SLC16A10: variants seen among roughly 807,000 people sequenced by gnomAD.
SLC16A10 encodes the protein monocarboxylate transporter 10.
SLC16A10 carries 27 observed loss-of-function variants against 40.0 expected under a neutral mutation model. The observed-to-expected ratio is 0.67, with a 90% CI of 0.50 to 0.93. The LOEUF (loss-of-function observed/expected upper bound fraction) is 0.93. Ranked by LOEUF, SLC16A10 falls within the 40% of genes least tolerant of loss-of-function variation. SLC16A10 has a pLI of 0.00. For missense variants in SLC16A10, 529 were observed against 658.2 expected (o/e 0.80, Z 2.15); for synonymous variants, 213 against 249.8 (o/e 0.85, Z 1.39).
intron 1 of SLC16A10, among the ~76,000 whole-genome samples, chr6:111,112,441 T>G (rs1771407147): frequency 1.3e-5 from 2 of 152,246 alleles, no homozygotes; most frequent in African/African-American, 4.8e-5. Flanking sequence ...TGTTAATATC[T>G]GTCTTTCCTA....
At chr6:111,141,196 T>G (rs1210978696) in intron 1 of SLC16A10, among the ~76,000 whole-genome samples, 1 of 152,176 alleles carries the variant, frequency 6.6e-6, no homozygotes, top group Non-Finnish European at 1.5e-5. Flanking sequence ...ATTTGAAAAT[T>G]ATGTAGTTAT....
At chr6:111,159,190 C>T (rs1772328325) in intron 1 of SLC16A10, among the ~76,000 whole-genome samples, 1 of 151,892 alleles carries the variant, frequency 6.6e-6, no homozygotes, top group South Asian at 2.1e-4. Context: ...ATCACTATCC[C>T]ACATTTGCTT....
At chr6:111,131,276 T>A (rs1479617659) in intron 1 of SLC16A10, among the ~76,000 whole-genome samples, 1 of 152,216 alleles carries the variant, frequency 6.6e-6, no homozygotes, top group South Asian at 2.1e-4. Context: ...GGGCTTGCCA[T>A]TGTTCCTGCA....
At chr6:111,214,447 G>A (rs750434604) in intron 4 of SLC16A10, among the ~76,000 whole-genome samples, 2 of 152,198 alleles carry the variant, frequency 1.3e-5, no homozygotes, top group Non-Finnish European at 2.9e-5. Context: ...ATGAAGCATT[G>A]AACCTGCTAT....
chr6:111,165,120 T>G (rs1414439051), intron 1 of SLC16A10, among the ~76,000 whole-genome samples: 7 of 152,224 alleles, frequency 4.6e-5, no homozygotes, highest in Admixed American at 4.6e-4. Context: ...ATTACTGACC[T>G]CAGGATGGAG....
intron 1 of SLC16A10, among the ~76,000 whole-genome samples, chr6:111,100,457 C>T (rs1402285697): frequency 1.3e-5 from 2 of 151,564 alleles, no homozygotes; most frequent in Non-Finnish European, 2.9e-5. Flanking sequence ...GGTGCGATCT[C>T]GGCTCACTGC....
chr6:111,168,126 C>T (rs2114536417), intron 1 of SLC16A10, among the ~76,000 whole-genome samples: 1 of 152,064 alleles, frequency 6.6e-6, no homozygotes, highest in Middle Eastern at 3.4e-3. Context: ...ATTACAGGCA[C>T]CCGCCACCAC....
At chr6:111,186,694 CCAAA>C (rs1227485893) in intron 3 of SLC16A10, among the ~76,000 whole-genome samples, 2 of 152,120 alleles carry the variant, frequency 1.3e-5, no homozygotes, top group Non-Finnish European at 2.9e-5. Flanking sequence ...TCTTTAGCAC[CCAAA>C]CAAAGTTCTA....
chr6:111,131,437 C>T (rs1771780845), intron 1 of SLC16A10, among the ~76,000 whole-genome samples: 1 of 152,216 alleles, frequency 6.6e-6, no homozygotes, highest in African/African-American at 2.4e-5. Flanking sequence ...AGCAGCCCGC[C>T]ACCATCTTGG....
intron 1 of SLC16A10, among the ~76,000 whole-genome samples, chr6:111,104,594 G>A (rs978183345): frequency 1.3e-5 from 2 of 152,160 alleles, no homozygotes; most frequent in African/African-American, 4.8e-5. Flanking sequence ...GGGAAAGGCT[G>A]GCTCACATTT....
intron 3 of SLC16A10, among the ~76,000 whole-genome samples, chr6:111,184,702 A>G (rs1772863665): frequency 6.6e-6 from 1 of 152,114 alleles, no homozygotes; most frequent in Non-Finnish European, 1.5e-5. Context: ...GTTGGTCTCA[A>G]ACTCCTGACC....
chr6:111,184,613 C>T (rs573501050), intron 3 of SLC16A10, among the ~76,000 whole-genome samples: 1 of 152,066 alleles, frequency 6.6e-6, no homozygotes, highest in Admixed American at 6.5e-5. Flanking sequence ...TCCCGAGTAG[C>T]TGGGATTACA....
At chr6:111,177,865 T>A (rs1472456761) in intron 3 of SLC16A10, among the ~76,000 whole-genome samples, 200 bp downstream of exon 3, 1 of 152,096 alleles carries the variant, frequency 6.6e-6, no homozygotes, top group Non-Finnish European at 1.5e-5. Context: ...TTTCATAGTG[T>A]GCTTTGGTAT....
rs777526275 is a variant in SLC16A10, at chr6:111,172,771, T to C, written c.420T>C (p.Gly140=). 11 of 1,614,192 alleles carry C rather than the reference T, an allele frequency of 6.8e-6. No individual in the cohort carries two copies. In the Admixed American group the frequency reaches 1.7e-4, roughly 24 times the overall value. Residue 140 remains glycine, a synonymous_variant, in exon 2 of 6, where the codon GGT becomes GGC. Coordinates refer to ENST00000368851, the MANE Select transcript of SLC16A10 (RefSeq NM_018593.5). The stretch of plus-strand genomic sequence containing the variant: ...TCAGCGTCTTCACAGACCTATTTGG[T>C]TGTCGGAAAACAGCTGTCGTGGGTG... ...PIVSVFTDLF[G]CRKTAVVGAA...
At chr6:111,206,760 C>T in intron 4 of SLC16A10, 25 bp downstream of exon 4, 1 of 1,603,826 alleles carries the variant, frequency 6.2e-7, no homozygotes, top group African/African-American at 1.3e-5. Flanking sequence ...CTTTTTTCCC[C>T]TATCAAAAAT....
intron 1 of SLC16A10, among the ~76,000 whole-genome samples, chr6:111,137,833 G>C (rs561630784): frequency 1.3e-5 from 2 of 152,202 alleles, no homozygotes; most frequent in African/African-American, 4.8e-5. Context: ...CTTTAAACAC[G>C]GGGCTTGCAA....
intron 1 of SLC16A10, among the ~76,000 whole-genome samples, chr6:111,097,999 C>T (rs1396831368): frequency 1.3e-5 from 2 of 152,068 alleles, no homozygotes; most frequent in South Asian, 2.1e-4. Flanking sequence ...TACCTGTAAT[C>T]CCAGCACTTT....
intron 1 of SLC16A10, among the ~76,000 whole-genome samples, chr6:111,158,618 C>T (rs1392245002): frequency 2.0e-5 from 3 of 152,162 alleles, no homozygotes; most frequent in Non-Finnish European, 4.4e-5. Context: ...TCCTAACAGG[C>T]TCGGGGGCTG....
In SLC16A10 at chr6:111,229,273, A is replaced by C. The variant is rs948557803; in HGVS notation, c.*7038A>C. 9 of 152,214 alleles carry C rather than the reference A, an allele frequency of 5.9e-5. No homozygotes were observed. Among genetic ancestry groups the C allele is most frequent in the African/African-American group, 2.2e-4 (9 of 41,440 alleles). The allele number at this position is 152,214 out of a possible 1,614,324, so 9.4% of individuals were successfully genotyped here. ...CATGACTGAGGAAAAAAGCTCACCT[A>C]TACAGTGATTATTGAGTTCCAGTAT... On this transcript the variant is annotated 3_prime_UTR_variant, in exon 6 of 6. Coordinates refer to ENST00000368851, the MANE Select transcript of SLC16A10 (RefSeq NM_018593.5).
Sources: gnomAD v4.1 joint callset for allele counts (sites outside exome capture counted in the v4.1 genomes callset) on GRCh38, gnomAD v4.1.1 for gene constraint, MANE v1.5 for transcripts, NCBI Gene and HGNC (gene_info 2026-07-23, HGNC 2026-07-21) for gene names.